Variants in SEC24D observed in about 807,000 individuals in gnomAD.
SEC24D encodes SEC24 homolog D, COPII component.
A neutral mutation model predicts 116.9 loss-of-function variants in SEC24D; 69 were observed. The observed-to-expected ratio is 0.59, with a 90% confidence interval of 0.49 to 0.72. The LOEUF is 0.72. Among genes scored for constraint, SEC24D ranks in the 30% least tolerant of loss-of-function variants. SEC24D has a pLI of 0.00. For synonymous variants in SEC24D, 405 were observed against 442.8 expected (o/e 0.91, Z 1.07); for missense variants, 1,131 against 1,264.1 (o/e 0.89, Z 1.60).
At chr4:118,751,176 C>CTTTTTGTTTTTTT (rs1726808934) in intron 13 of SEC24D, among the ~76,000 whole-genome samples, 1 of 100,326 alleles carries the variant, frequency 1.0e-5, no homozygotes, top group Non-Finnish European at 2.0e-5. Flanking sequence ...AGAGTGAGGG[C>CTTTTTGTTTTTTT]TTTTTTTTTT....
chr4:118,782,226 T>C (rs1462142098), intron 8 of SEC24D, among the ~76,000 whole-genome samples: 5 of 152,238 alleles, frequency 3.3e-5, no homozygotes, highest in Non-Finnish European at 5.9e-5. Flanking sequence ...TGTGGTTTTA[T>C]CTACCTTTGG....
chr4:118,746,043 A>G (rs34384498), intron 13 of SEC24D, among the ~76,000 whole-genome samples: 41,794 of 151,532 alleles, frequency 0.28, 6,561 homozygotes, highest in East Asian at 0.45. Flanking sequence ...GAGCATGGTG[A>G]TGCATGCTTG....
chr4:118,775,345 CAAAAAAAAAAAA>C (rs55740002), intron 8 of SEC24D, among the ~76,000 whole-genome samples: 2 of 114,530 alleles, frequency 1.7e-5, no homozygotes, highest in East Asian at 2.6e-4. Flanking sequence ...AGCAAAAGGT[CAAAAAAAAAAAA>C]AAAAAAAAGA....
At chr4:118,753,129 G>A (rs1006287297) in intron 11 of SEC24D, among the ~76,000 whole-genome samples, 1 of 152,014 alleles carries the variant, frequency 6.6e-6, no homozygotes, top group Non-Finnish European at 1.5e-5. Context: ...TAAAAATCAA[G>A]TAAACACTTG....
chr4:118,738,531 C>T, intron 18 of SEC24D, 152 bp from the exon 19 acceptor site: 1 of 639,446 alleles, frequency 1.6e-6, no homozygotes, highest in Non-Finnish European at 2.8e-6. Flanking sequence ...TGCTAATGGT[C>T]TCCTCTTGAC....
At chr4:118,728,389 G>C (rs1220207699) in intron 22 of SEC24D, among the ~76,000 whole-genome samples, 172 bp downstream of exon 22, 1 of 152,134 alleles carries the variant, frequency 6.6e-6, no homozygotes, top group African/African-American at 2.4e-5. Flanking sequence ...TGGTAAGTAG[G>C]TAGATATACT....
chr4:118,823,094 T>G (rs1475100359), intron 3 of SEC24D, among the ~76,000 whole-genome samples: 1 of 152,210 alleles, frequency 6.6e-6, no homozygotes, highest in Non-Finnish European at 1.5e-5. Context: ...GTTAGTAAAC[T>G]GCTTGAACCA....
At chr4:118,823,287 CA>C (rs1278776849) in intron 3 of SEC24D, among the ~76,000 whole-genome samples, 1 of 152,152 alleles carries the variant, frequency 6.6e-6, no homozygotes, top group Non-Finnish European at 1.5e-5. Context: ...TTTCAACCGG[CA>C]AATGTCATGT....
intron 19 of SEC24D, among the ~76,000 whole-genome samples, chr4:118,735,062 A>G (rs1347717412): frequency 6.6e-6 from 1 of 152,206 alleles, no homozygotes; most frequent in Admixed American, 6.5e-5. Context: ...GGTTGCTTCT[A>G]ATTAATGAGG....
At chr4:118,757,197 T>C (rs760423057) in intron 11 of SEC24D, among the ~76,000 whole-genome samples, 24 of 152,328 alleles carry the variant, frequency 1.6e-4, no homozygotes, top group Non-Finnish European at 3.1e-4. Context: ...TGCTGCCCTC[T>C]TGCAATGGCA....
chr4:118,743,103 A>C (rs770429190), intron 15 of SEC24D, among the ~76,000 whole-genome samples: 6 of 152,166 alleles, frequency 3.9e-5, no homozygotes, highest in East Asian at 1.9e-4. Context: ...TCTCTTGAAT[A>C]TCTCTCTCAA....
At chr4:118,787,403 G>C (rs1348971439) in intron 8 of SEC24D, among the ~76,000 whole-genome samples, 3 of 152,030 alleles carry the variant, frequency 2.0e-5, no homozygotes, top group African/African-American at 7.2e-5. Flanking sequence ...TTCTTTACAG[G>C]CCATGATATC....
Position 118,797,588 on chromosome 4 carries a change from T to C in SEC24D, c.1041+95A>G, listed in dbSNP as rs963845717. The stretch of plus-strand genomic sequence containing the variant: ...ATTATAAAAATATATTCCAGTTTCC[T>C]GTTTATATTATAGAATAATGTATAA... On this transcript the variant is annotated intron_variant, in intron 8 of 22. Transcript: ENST00000280551. 11 of 915,876 alleles carry C rather than the reference T, an allele frequency of 1.2e-5. No homozygotes were observed. The Admixed American group carries it at 1.8e-4, about 15-fold the overall frequency. The allele number at this position is 915,876 out of a possible 1,614,324, so 56.7% of individuals were successfully genotyped here.
At position 118,794,373 on chromosome 4, in the gene SEC24D, T is replaced by C. The variant is rs113302563; in HGVS notation, c.1041+3310A>G. Among the ~76,000 whole-genome samples, 69 of 152,314 alleles carry C rather than the reference T, an allele frequency of 4.5e-4. 1 individual carries two copies. Among genetic ancestry groups the C allele is most frequent in the African/African-American group, 1.6e-3 (65 of 41,562 alleles). ...ATGCATATTTGACCCAGGTCAGCTT[T>C]ATCACGAGGAAGGGGCAAGGAGGGG... On this transcript the variant is annotated intron_variant, in intron 8 of 22. Coordinates refer to ENST00000280551, the MANE Select transcript of SEC24D (RefSeq NM_014822.4).
Position 118,814,981 on chromosome 4 carries a change from T to C in SEC24D, c.801+47A>G, listed in dbSNP as rs770435512. The C allele has an allele frequency of 1.8e-5, 28 of 1,595,670 alleles. No individual in the cohort carries two copies. In the Admixed American group the frequency reaches 4.6e-4, roughly 26 times the overall value. On this transcript the variant is annotated intron_variant, in intron 6 of 22. Coordinates refer to ENST00000280551, the MANE Select transcript of SEC24D (RefSeq NM_014822.4). ...AAACTGATGAGTTGCTGAGAAAAAT[T>C]AATGCTCCTTTGTGAGTGAGACTGT...
intron 19 of SEC24D, among the ~76,000 whole-genome samples, chr4:118,733,566 G>C (rs1725806930): frequency 6.6e-6 from 1 of 152,040 alleles, no homozygotes; most frequent in Non-Finnish European, 1.5e-5. Flanking sequence ...AAAGGAATAA[G>C]GCATAGTCCA....
At chr4:118,771,105 C>T (rs1041909837) in intron 8 of SEC24D, among the ~76,000 whole-genome samples, 2 of 152,118 alleles carry the variant, frequency 1.3e-5, no homozygotes, top group African/African-American at 2.4e-5. Flanking sequence ...ATCTGCACCA[C>T]AGTGTGCATG....
intron 22 of SEC24D, among the ~76,000 whole-genome samples, chr4:118,726,948 T>TA (rs1323267580): frequency 1.3e-5 from 2 of 152,250 alleles, no homozygotes; most frequent in Non-Finnish European, 2.9e-5. Flanking sequence ...CTTAACCCTT[T>TA]AAAAGTATGT....
At chr4:118,756,952 C>G (rs537036437) in intron 11 of SEC24D, among the ~76,000 whole-genome samples, 1 of 152,046 alleles carries the variant, frequency 6.6e-6, no homozygotes. Context: ...ACATTTTTTC[C>G]TCTTTATTTT....
Sources: allele counts gnomAD v4.1 joint callset (sites outside exome capture counted in the v4.1 genomes callset), GRCh38; gene constraint gnomAD v4.1.1; transcripts MANE v1.5; gene names NCBI Gene and HGNC (gene_info 2026-07-23, HGNC 2026-07-21).